The following PTMA variants were observed in gnomAD, a reference collection of about 807,000 sequenced individuals.
PTMA encodes gene sequence 28.
A neutral mutation model predicts 16.9 loss-of-function variants in PTMA; 4 were observed. The observed-to-expected ratio is 0.24, with a 90% CI of 0.12 to 0.54. The LOEUF (loss-of-function observed/expected upper bound fraction) is 0.54. Among genes scored for constraint, PTMA ranks in the 20% least tolerant of loss-of-function variants. The pLI is 0.95. For synonymous variants in PTMA, 58 were observed against 47.9 expected, an observed-to-expected ratio of 1.21 and a Z score of -0.87; for missense variants, 120 against 137.7, an observed-to-expected ratio of 0.87 and a Z score of 0.64.
At chr2:231,710,458 G>C in intron 1 of PTMA, 1 of 1,095,292 alleles carries the variant, frequency 9.1e-7, no homozygotes, top group Non-Finnish European at 1.1e-6. Flanking sequence ...CAGGGGGCGA[G>C]AGCGGGCGGA....
At position 231,708,629 on chromosome 2, in the gene PTMA, C is replaced by T. The variant is rs11558925; in HGVS notation, c.-78C>T. ...GCGCCTCCTCCGCCGCCGCGGACTC[C>T]GGCAGCTTTATCGCCAGAGTCCCTG... On this transcript the variant is annotated 5_prime_UTR_variant, in exon 1 of 5. Transcript: ENST00000409115. 6.4e-7 allele frequency: 1 copy of T among 1,574,772 alleles called. No individual in the cohort carries two copies. Among genetic ancestry groups the T allele is most frequent in the Non-Finnish European group, 8.6e-7 (1 of 1,159,970 alleles).
chr2:231,710,608 G>A (rs2048505665), intron 1 of PTMA: 1 of 486,936 alleles, frequency 2.1e-6, no homozygotes, highest in South Asian at 1.6e-5. Flanking sequence ...GCCGTGTCGT[G>A]TGGAAAAAGT....
intron 1 of PTMA, 117 bp downstream of exon 1, chr2:231,708,868 G>A (rs2048475191): frequency 7.9e-7 from 1 of 1,263,914 alleles, no homozygotes; most frequent in Non-Finnish European, 1.1e-6. Context: ...CGGGGAAACG[G>A]CCCGCCCCCG....
intron 1 of PTMA, chr2:231,710,771 G>T (rs986761644): frequency 3.0e-6 from 1 of 331,124 alleles, no homozygotes; most frequent in South Asian, 2.2e-5. Context: ...AGCGGTTTGC[G>T]GCCTCTAGGA....
intron 1 of PTMA, chr2:231,710,351 G>A (rs2048501234): frequency 8.3e-7 from 1 of 1,210,682 alleles, no homozygotes. Context: ...TGCGCGCGGT[G>A]CGTGCCGAGG....
chr2:231,709,467 G>C (rs1281970842), intron 1 of PTMA, among the ~76,000 whole-genome samples: 1 of 152,202 alleles, frequency 6.6e-6, no homozygotes, highest in Non-Finnish European at 1.5e-5. Context: ...TGGCTGAGGA[G>C]GCGAGAGCCC....
intron 3 of PTMA, 68 bp from the exon 4 acceptor site, chr2:231,712,374 TC>T (rs2048529752): frequency 1.3e-6 from 2 of 1,513,520 alleles, no homozygotes; most frequent in African/African-American, 2.7e-5. Flanking sequence ...CACTACATGT[TC>T]CTCGGGATTT....
chr2:231,710,631 G>C, intron 1 of PTMA: 1 of 460,866 alleles, frequency 2.2e-6, no homozygotes, highest in South Asian at 1.6e-5. Context: ...CCGGGCGCCC[G>C]GGGCCGCGCT....
chr2:231,711,603 C>G (rs1459394882), intron 2 of PTMA, 184 bp downstream of exon 2: 6 of 737,798 alleles, frequency 8.1e-6, no homozygotes, highest in Non-Finnish European at 1.3e-5. Context: ...TTTATAAAAA[C>G]CTTTCGAGCA....
chr2:231,711,838 T>A, intron 2 of PTMA, 52 bp from the exon 3 acceptor site: 1 of 1,600,956 alleles, frequency 6.2e-7, no homozygotes, highest in South Asian at 1.1e-5. Context: ...AGCAACGCTC[T>A]GTCCAGCCTG....
intron 3 of PTMA, 149 bp downstream of exon 3, chr2:231,712,132 G>A: frequency 1.4e-6 from 2 of 1,379,704 alleles, no homozygotes; most frequent in African/African-American, 1.5e-5. Context: ...CACCTGTAGA[G>A]TCAGGGAAGG....
chr2:231,710,022 A>G lies in PTMA; in HGVS notation c.45+1271A>G, dbSNP rs2048495862. The G allele has an allele frequency of 4.2e-6, 5 of 1,180,916 alleles. No individual in the cohort carries two copies. In the Admixed American group the frequency reaches 2.1e-4, roughly 51 times the overall value. The allele number at this position is 1,180,916 out of a possible 1,614,324, so 73.2% of individuals were successfully genotyped here. A position where few individuals can be genotyped will look rare whatever the true frequency, so the allele number is the denominator to read the frequency against. On this transcript the variant is annotated intron_variant, in intron 1 of 4. Coordinates refer to ENST00000409115, the MANE Select transcript of PTMA (RefSeq NM_002823.5). ...TTTGTGGGGTGAGAACACCGTCCCC[A>G]GTGCGGGGCCTGGCTGTTCGATTTT... is the stretch of plus-strand genomic sequence containing the variant.
intron 1 of PTMA, chr2:231,710,432 C>G: frequency 1.7e-6 from 2 of 1,153,220 alleles, no homozygotes. Context: ...CCACTGCTCC[C>G]CGGGGCTTCG....
At position 231,713,441 on chromosome 2, in the gene PTMA, T is replaced by A; in HGVS notation, c.*590T>A. The A allele has an allele frequency of 6.0e-6, 3 of 499,828 alleles. No individual in the cohort carries two copies. The highest frequency in any genetic ancestry group is 1.2e-5 in the Non-Finnish European group (3 of 248,894). The allele number at this position is 499,828 out of a possible 1,614,324, so 31.0% of individuals were successfully genotyped here. ...TTCTTTTTTTTTCCTTTTTTGTCTA[T>A]GAAGTTGCTGTTTATTTTTTTTGGC... On this transcript the variant is annotated 3_prime_UTR_variant, in exon 5 of 5. Transcript: ENST00000409115.
chr2:231,711,060 A>G (rs1447037183), intron 1 of PTMA: 4 of 319,910 alleles, frequency 1.3e-5, no homozygotes, highest in Non-Finnish European at 2.4e-5. Flanking sequence ...GTGGCGCCAC[A>G]TGGCTCCTTT....
rs1051855041 is a variant in PTMA, at chr2:231,708,767, G to A, written c.45+16G>A. On this transcript the variant is annotated intron_variant, in intron 1 of 4. Transcript: ENST00000409115. ...CACCACCAAGGTGAGGCTGGACGCC[G>A]CCCGCCCCCTCGGGGTCCGCGCGCC... 6.2e-7 allele frequency: 1 copy of A among 1,600,300 alleles called. No individual in the cohort carries two copies. The highest frequency in any genetic ancestry group is 8.5e-7 in the Non-Finnish European group (1 of 1,178,768).
Position 231,713,087 on chromosome 2 carries a change from T to C in PTMA, c.*236T>C, listed in dbSNP as rs2048539940. On this transcript the variant is annotated 3_prime_UTR_variant, in exon 5 of 5. Coordinates refer to ENST00000409115, the MANE Select transcript of PTMA (RefSeq NM_002823.5). ...AACTTCCAAGGCCCTGCTTTTTTTC[T>C]TAAAAGTACTTTAAAAAGGAAATTT... 1 of 537,334 alleles carries C rather than the reference T, an allele frequency of 1.9e-6. No individual in the cohort carries two copies. The highest frequency in any genetic ancestry group is 3.4e-6 in the Non-Finnish European group (1 of 294,312). 33.3% of individuals were successfully genotyped at this position (537,334 alleles called of 1,614,324 possible). A position where few individuals can be genotyped will look rare whatever the true frequency, so the allele number is the denominator to read the frequency against.
chr2:231,711,526 G>A (rs1427948551), intron 2 of PTMA, 107 bp downstream of exon 2: 4 of 1,031,916 alleles, frequency 3.9e-6, no homozygotes, highest in Non-Finnish European at 5.9e-6. Context: ...TATATGTATA[G>A]CTTTGCACAG....
Position 231,708,700 on chromosome 2 carries a change from C to T in PTMA, c.-7C>T, listed in dbSNP as rs749375849. Reference sequence around the variant, plus strand: ...TCCCCTGCATCGGATCACCGGCGTGCCCCACCATGTCAGACGCAGCCGTAG... The same window carrying T: ...TCCCCTGCATCGGATCACCGGCGTGTCCCACCATGTCAGACGCAGCCGTAG... On this transcript the variant is annotated 5_prime_UTR_variant, in exon 1 of 5. Transcript: ENST00000409115. The T allele has an allele frequency of 5.6e-6, 9 of 1,602,542 alleles. No homozygotes were observed. The Admixed American group carries it at 1.2e-4, about 21-fold the overall frequency.
Sources: allele counts gnomAD v4.1 joint callset (sites outside exome capture counted in the v4.1 genomes callset), GRCh38; gene constraint gnomAD v4.1.1; transcripts MANE v1.5; gene names NCBI Gene and HGNC (gene_info 2026-07-23, HGNC 2026-07-21).